The following ROBO2 variants were observed in gnomAD, a reference collection of about 807,000 sequenced individuals.
The protein encoded by ROBO2 is roundabout guidance receptor 2.
Under a neutral mutation model 160.8 loss-of-function variants are expected in ROBO2, and 53 were observed. That is an observed-to-expected ratio of 0.33 (90% CI 0.26 to 0.41). The LOEUF (loss-of-function observed/expected upper bound fraction) is 0.41. ROBO2 is among the 10% of genes least tolerant of loss of function. ROBO2 has a pLI of 1.00. For missense variants in ROBO2, 1,577 were observed against 1,722.4 expected, an observed-to-expected ratio of 0.92 and a Z score of 1.49; for synonymous variants, 664 against 611.7, an observed-to-expected ratio of 1.09 and a Z score of -1.26.
chr3:77,331,085 A>G (rs2065921834), intron 2 of ROBO2, among the ~76,000 whole-genome samples: 1 of 152,206 alleles, frequency 6.6e-6, no homozygotes, highest in African/African-American at 2.4e-5. Flanking sequence ...TGAGGCATTA[A>G]TCATACACAT....
chr3:76,307,953 G>A (rs2071401065), intron 2 of ROBO2, among the ~76,000 whole-genome samples: 1 of 152,174 alleles, frequency 6.6e-6, no homozygotes, highest in South Asian at 2.1e-4. Context: ...ACAGTTTCAT[G>A]GAGGGCCTAG....
intron 2 of ROBO2, among the ~76,000 whole-genome samples, chr3:76,935,081 A>G (rs1244235551): frequency 6.6e-6 from 1 of 151,856 alleles, no homozygotes; most frequent in East Asian, 2.0e-4. Context: ...CCTCCTGAGT[A>G]ACTAGGACTA....
chr3:76,261,235 A>G, intron 2 of ROBO2, among the ~76,000 whole-genome samples: 1 of 149,660 alleles, frequency 6.7e-6, no homozygotes, highest in African/African-American at 2.5e-5. Context: ...CTTCCTATGA[A>G]TTCTAATATA....
chr3:76,829,622 C>T (rs746890545), intron 2 of ROBO2, among the ~76,000 whole-genome samples: 23 of 151,092 alleles, frequency 1.5e-4, no homozygotes, highest in Non-Finnish European at 1.9e-4. Flanking sequence ...CTCTTCTCTT[C>T]TTTTCTTTTT....
chr3:76,165,319 T>C (rs191507547), intron 2 of ROBO2, among the ~76,000 whole-genome samples: 3 of 150,806 alleles, frequency 2.0e-5, no homozygotes, highest in Admixed American at 1.3e-4. Flanking sequence ...TCCTTCAACC[T>C]CATGAGCTAA....
intron 2 of ROBO2, among the ~76,000 whole-genome samples, chr3:75,970,744 C>A (rs2064969790): frequency 6.6e-6 from 1 of 151,200 alleles, no homozygotes; most frequent in South Asian, 2.1e-4. Flanking sequence ...AATGCCAGTT[C>A]TGGAGGAAAA....
chr3:76,305,387 CAAAAAAAAAAAAAAA>C lies in ROBO2; in HGVS notation c.109+367808_109+367822del, dbSNP rs1166858558. 6.8e-4 allele frequency among the ~76,000 whole-genome samples: 14 copies of C among 20,686 alleles called. No homozygotes were observed. The East Asian group carries it at 0.014, about 20-fold the overall frequency. The allele number at this position is 20,686 out of a possible 152,430, so 13.6% of individuals were successfully genotyped here. A position where few individuals can be genotyped will look rare whatever the true frequency, so the allele number is the denominator to read the frequency against. On this transcript the variant is annotated intron_variant, in intron 2 of 26. Coordinates refer to the ROBO2 transcript ENST00000487694. ...GCCTGGGTGACAGAGCAAGATCTGT[CAAAAAAAAAAAAAAA>C]AAAAAAAAAAAAAAAAAAAAAAGAA... is the stretch of plus-strand genomic sequence containing the variant.
At chr3:76,563,814 A>G (rs1172813570) in intron 2 of ROBO2, among the ~76,000 whole-genome samples, 1 of 152,236 alleles carries the variant, frequency 6.6e-6, no homozygotes, top group Non-Finnish European at 1.5e-5. Context: ...ACTTTACCTT[A>G]AGCAATTTTT....
intron 2 of ROBO2, among the ~76,000 whole-genome samples, chr3:76,237,812 C>T (rs531965494): frequency 4.6e-5 from 7 of 152,228 alleles, no homozygotes; most frequent in South Asian, 2.1e-4. Context: ...GAGATTGGAG[C>T]GGTAAGCAGG....
At chr3:77,296,279 C>G (rs1167548178) in intron 2 of ROBO2, among the ~76,000 whole-genome samples, 1 of 151,954 alleles carries the variant, frequency 6.6e-6, no homozygotes, top group Non-Finnish European at 1.5e-5. Flanking sequence ...TAAGCTGAGG[C>G]TAGATCACCC....
intron 2 of ROBO2, among the ~76,000 whole-genome samples, chr3:77,303,510 G>A (rs2062828188): frequency 6.6e-6 from 1 of 152,058 alleles, no homozygotes; most frequent in Admixed American, 6.6e-5. Flanking sequence ...AATATTAAGA[G>A]CATCTACTGT....
In ROBO2 at chr3:76,969,435, T is replaced by C. The variant is rs887143857; in HGVS notation, c.110-128579T>C. On this transcript the variant is annotated intron_variant, in intron 2 of 26. Coordinates refer to the ROBO2 transcript ENST00000487694. ...TCTTTAAGCTGCATTGTATCGTTCC[T>C]AAGCCTAATTTTATTATTTCTAGGG... 9.2e-5 allele frequency among the ~76,000 whole-genome samples: 14 copies of C among 152,164 alleles called. 1 individual carries two copies. The highest frequency in any genetic ancestry group is 4.4e-5 in the Non-Finnish European group (3 of 68,024).
chr3:77,644,735 T>C, exon 25 of ROBO2: 1 of 1,614,056 alleles, frequency 6.2e-7, no homozygotes, highest in Non-Finnish European at 8.5e-7. Context: ...GCAAGCCCAG[T>C]TTCCCATCTC....
chr3:77,278,392 G>C (rs932481498), intron 2 of ROBO2, among the ~76,000 whole-genome samples: 2 of 151,980 alleles, frequency 1.3e-5, no homozygotes, highest in Non-Finnish European at 2.9e-5. Flanking sequence ...CATATTTAGG[G>C]GTTATGTCCT....
At chr3:77,296,243 T>G (rs140887214) in intron 2 of ROBO2, among the ~76,000 whole-genome samples, 1,611 of 149,310 alleles carry the variant, frequency 0.011, 8 homozygotes, top group African/African-American at 0.03. Flanking sequence ...AGTAAAGACA[T>G]AAAGTAGAAT....
At chr3:77,006,369 C>T (rs1260213462) in intron 2 of ROBO2, among the ~76,000 whole-genome samples, 4 of 149,288 alleles carry the variant, frequency 2.7e-5, no homozygotes, top group African/African-American at 9.9e-5. Flanking sequence ...ATTTAGAAAT[C>T]CCCTTGAAAA....
intron 2 of ROBO2, among the ~76,000 whole-genome samples, chr3:76,549,235 T>C (rs974171540): frequency 1.1e-4 from 17 of 152,300 alleles, no homozygotes; most frequent in Middle Eastern, 3.4e-3. Context: ...TTTTCTCCAA[T>C]TCAAATTTCA....
chr3:77,304,650 C>G (rs865964159), intron 2 of ROBO2, among the ~76,000 whole-genome samples: 10 of 152,258 alleles, frequency 6.6e-5, no homozygotes, highest in African/African-American at 2.4e-4. Context: ...GCACATACCG[C>G]ATCTCACGAA....
intron 2 of ROBO2, among the ~76,000 whole-genome samples, chr3:76,843,752 A>G (rs1334008048): frequency 6.6e-6 from 1 of 151,922 alleles, no homozygotes; most frequent in Non-Finnish European, 1.5e-5. Context: ...CATTTTTACA[A>G]GATCCCCAGG....
Sources: allele counts gnomAD v4.1 joint callset (sites outside exome capture counted in the v4.1 genomes callset), GRCh38; gene constraint gnomAD v4.1.1; transcripts MANE v1.5; gene names NCBI Gene and HGNC (gene_info 2026-07-23, HGNC 2026-07-21).